Variants in AATF observed in about 807,000 individuals in gnomAD.
The protein encoded by AATF is apoptosis antagonizing transcription factor.
AATF carries 48 observed loss-of-function variants against 63.7 expected under a neutral mutation model. That is an observed-to-expected ratio of 0.75 (90% CI 0.60 to 0.96). The LOEUF (loss-of-function observed/expected upper bound fraction) is 0.96. Ranked by LOEUF, AATF falls within the 40% of genes least tolerant of loss-of-function variation. The pLI, the probability that AATF is intolerant of heterozygous loss-of-function variation, is 0.00. For missense variants in AATF, 639 were observed against 685.7 expected, an observed-to-expected ratio of 0.93 and a Z score of 0.76; for synonymous variants, 258 against 247.7, an observed-to-expected ratio of 1.04 and a Z score of -0.39.
At chr17:36,962,781 G>A (rs1042257379) in intron 4 of AATF, among the ~76,000 whole-genome samples, 3 of 152,062 alleles carry the variant, frequency 2.0e-5, no homozygotes, top group Non-Finnish European at 4.4e-5. Flanking sequence ...CTCTTTATAT[G>A]TACATTTAAT....
intron 4 of AATF, among the ~76,000 whole-genome samples, chr17:36,956,073 G>A (rs1300717182): frequency 6.6e-6 from 1 of 152,118 alleles, no homozygotes; most frequent in Non-Finnish European, 1.5e-5. Flanking sequence ...CTCATTTAGT[G>A]TCTTTAATCA....
chr17:36,989,213 C>G lies in AATF; in HGVS notation c.1150-34C>G, dbSNP rs770195207. ...GTAGCTTGCCTTCAGCACTGATTTTCTGCATTATCTGACACTGCTTAATGT... is the reference window on the plus strand; with the variant it reads ...GTAGCTTGCCTTCAGCACTGATTTTGTGCATTATCTGACACTGCTTAATGT... On this transcript the variant is annotated intron_variant, in intron 6 of 11. Coordinates refer to ENST00000619387, the MANE Select transcript of AATF (RefSeq NM_012138.4). 3.8e-6 allele frequency: 6 copies of G among 1,578,958 alleles called. No homozygotes were observed. The South Asian group carries it at 6.9e-5, about 18-fold the overall frequency.
At chr17:36,952,426 G>C (rs8077789) in intron 2 of AATF, among the ~76,000 whole-genome samples, 38,291 of 152,256 alleles carry the variant, frequency 0.25, 10,614 homozygotes, top group African/African-American at 0.69. Flanking sequence ...AAATAGGGCA[G>C]ACGGATGTGA....
chr17:36,968,525 C>G (rs1235977972), intron 4 of AATF, among the ~76,000 whole-genome samples: 2 of 151,898 alleles, frequency 1.3e-5, no homozygotes, highest in African/African-American at 4.8e-5. Context: ...ATCTACCTGC[C>G]TTGACTTCTC....
At chr17:37,021,823 AATAATAATAAT>A (rs2071474102) in intron 10 of AATF, among the ~76,000 whole-genome samples, 1 of 136,154 alleles carries the variant, frequency 7.3e-6, no homozygotes, top group African/African-American at 2.9e-5. Flanking sequence ...AAAAAAAAAT[AATAATAATAAT>A]AATAATAAAT....
In AATF at chr17:36,990,794, T is replaced by G; in HGVS notation, c.1335T>G (p.Pro445=). The G allele has an allele frequency of 4.4e-6, 7 of 1,594,110 alleles. No individual in the cohort carries two copies. The highest frequency in any genetic ancestry group is 6.0e-6 in the Non-Finnish European group (7 of 1,173,250). The change falls in exon 8 of 12, where the codon CCT becomes CCG. Residue 445 remains proline (P), a synonymous_variant. Coordinates refer to ENST00000619387, the MANE Select transcript of AATF (RefSeq NM_012138.4). Reference sequence around the variant, plus strand: ...CATAGGAGATCCTTCCTCAAGCCCCTGCTAATGCTCATCTGAAGGACTTGG... The same window carrying G: ...CATAGGAGATCCTTCCTCAAGCCCCGGCTAATGCTCATCTGAAGGACTTGG... ...PGEPEILPQA[P]ANAHLKDLDE...
intron 10 of AATF, among the ~76,000 whole-genome samples, chr17:37,027,919 C>T (rs1011254788): frequency 1.3e-5 from 2 of 152,134 alleles, no homozygotes; most frequent in Non-Finnish European, 2.9e-5. Context: ...AGTAATCATA[C>T]TTTCAGATGG....
At chr17:37,029,856 C>T (rs1036635414) in intron 10 of AATF, among the ~76,000 whole-genome samples, 3 of 152,054 alleles carry the variant, frequency 2.0e-5, no homozygotes, top group Non-Finnish European at 4.4e-5. Flanking sequence ...TGTGAGCCAC[C>T]GTGCCTGGCC....
At chr17:36,991,185 T>A (rs2071211876) in intron 8 of AATF, among the ~76,000 whole-genome samples, 1 of 152,178 alleles carries the variant, frequency 6.6e-6, no homozygotes, top group Non-Finnish European at 1.5e-5. Flanking sequence ...GTTAAGTTAT[T>A]TGGTTTCTTG....
At chr17:37,004,020 G>A (rs918029977) in intron 8 of AATF, among the ~76,000 whole-genome samples, 7 of 152,030 alleles carry the variant, frequency 4.6e-5, no homozygotes, top group African/African-American at 9.7e-5. Flanking sequence ...CAGGAGAATC[G>A]CTTGAACCCA....
rs780727159 is a variant in AATF, at chr17:36,953,295, A to AGGTTTGTACAT, written c.694+5_694+15dup. On this transcript the variant is annotated frameshift_variant and splice_region_variant, in exon 3 of 12. Coordinates refer to ENST00000619387, the MANE Select transcript of AATF (RefSeq NM_012138.4). LOFTEE classifies it high-confidence loss of function. Reference sequence around the variant, plus strand: ...AAGGAAGAGCCGTGAAGAACCAGATAGGTTTGTACATGGTTTTGCTGATTG... The same window carrying AGGTTTGTACAT: ...AAGGAAGAGCCGTGAAGAACCAGATAGGTTTGTACATGGTTTGTACATGGTTTTGCTGATTG... 11 of 1,610,274 alleles carry AGGTTTGTACAT rather than the reference A, an allele frequency of 6.8e-6. No homozygotes were observed. The highest frequency in any genetic ancestry group is 9.3e-6 in the Non-Finnish European group (11 of 1,177,328).
At chr17:37,038,210 A>C (rs1227002734) in intron 11 of AATF, among the ~76,000 whole-genome samples, 1 of 152,210 alleles carries the variant, frequency 6.6e-6, no homozygotes, top group East Asian at 1.9e-4. Context: ...AAAGTGAAGG[A>C]ATTTGGGGTT....
chr17:36,953,887 T>C lies in AATF; in HGVS notation c.812T>C (p.Phe271Ser). ...TTCAAGGACAAAGGTGGCCCAGAATTTTCCAGTGCCCTGAAAAATAGTAAG... is the reference window on the plus strand; with the variant it reads ...TTCAAGGACAAAGGTGGCCCAGAATCTTCCAGTGCCCTGAAAAATAGTAAG... ...PLFKDKGGPEFSSALKNSHKA... is the reference protein window; with the variant it reads ...PLFKDKGGPESSSALKNSHKA... The change falls in exon 4 of 12, where the codon TTT becomes TCT. Residue 271 changes from phenylalanine to serine, a missense_variant. Phe to Ser is a radical substitution (Grantham distance 155). Transcript: ENST00000619387. The C allele has an allele frequency of 6.2e-7, 1 of 1,613,856 alleles. No homozygotes were observed. The highest frequency in any genetic ancestry group is 1.1e-5 in the South Asian group (1 of 91,004).
intron 11 of AATF, among the ~76,000 whole-genome samples, chr17:37,042,193 T>A (rs2071646123): frequency 6.6e-6 from 1 of 152,252 alleles, no homozygotes; most frequent in Non-Finnish European, 1.5e-5. Context: ...TTAACCTGAT[T>A]AAATATATAA....
At chr17:37,009,586 G>A (rs1380866082) in intron 8 of AATF, among the ~76,000 whole-genome samples, 4 of 151,032 alleles carry the variant, frequency 2.6e-5, no homozygotes, top group African/African-American at 9.7e-5. Context: ...GGGAGGCCGA[G>A]GCGGGTGGAT....
intron 1 of AATF, among the ~76,000 whole-genome samples, chr17:36,949,829 G>A (rs779938518): frequency 1.6e-4 from 25 of 152,330 alleles, no homozygotes; most frequent in Non-Finnish European, 3.4e-4. Flanking sequence ...CGTATCTTAG[G>A]AAGATCAGTT....
chr17:37,021,762 G>A (rs1349766050), intron 10 of AATF, among the ~76,000 whole-genome samples: 1 of 116,306 alleles, frequency 8.6e-6, no homozygotes, highest in Non-Finnish European at 1.6e-5. Context: ...CCGAGATCGC[G>A]CCACTGCACT....
At chr17:36,986,879 A>G (rs1178436060) in intron 5 of AATF, 148 bp downstream of exon 5, 5 of 671,546 alleles carry the variant, frequency 7.4e-6, no homozygotes, top group Non-Finnish European at 1.3e-5. Context: ...AGGATGGCAC[A>G]TAAGTTGGTG....
chr17:37,047,996 G>T (rs1206103790), intron 11 of AATF, among the ~76,000 whole-genome samples: 1 of 152,212 alleles, frequency 6.6e-6, no homozygotes, highest in Non-Finnish European at 1.5e-5. Flanking sequence ...AGTTGATCCT[G>T]TTAAGAAATA....
Sources: allele counts gnomAD v4.1 joint callset (sites outside exome capture counted in the v4.1 genomes callset), GRCh38; gene constraint gnomAD v4.1.1; transcripts MANE v1.5; gene names NCBI Gene and HGNC (gene_info 2026-07-23, HGNC 2026-07-21).